SLC17A5: variants seen among roughly 807,000 people sequenced by gnomAD.
SLC17A5 encodes the protein sialin.
Under a neutral mutation model 59.4 loss-of-function variants are expected in SLC17A5, and 47 were observed. The ratio of observed to expected loss-of-function variants is 0.79; its 90% CI spans 0.63 to 1.01. The LOEUF is 1.01. Among genes scored for constraint, SLC17A5 ranks in the 50% least tolerant of loss-of-function variants. The pLI is 0.00. For synonymous variants in SLC17A5, 202 were observed against 210.7 expected (o/e 0.96, Z 0.36); for missense variants, 522 against 595.5 (o/e 0.88, Z 1.28).
chr6:73,636,816 C>G (rs1438624437), intron 4 of SLC17A5, 109 bp from the exon 5 acceptor site: 1 of 820,898 alleles, frequency 1.2e-6, no homozygotes, highest in Non-Finnish European at 2.1e-6. Flanking sequence ...CACAGTGGCT[C>G]ATTCCTGTAA....
At chr6:73,606,430 C>T (rs143295709) in intron 9 of SLC17A5, among the ~76,000 whole-genome samples, 156 of 152,332 alleles carry the variant, frequency 1.0e-3, no homozygotes, top group African/African-American at 3.6e-3. Flanking sequence ...ACTTGCTTAC[C>T]ATCCTCCCAA....
Position 73,594,997 on chromosome 6 carries a change from T to C in SLC17A5, c.*80A>G. ...ACAATTAAAAAAAGACATAGAATGC[T>C]TACACAATACAGAAGGCACTTTGAG... On this transcript the variant is annotated 3_prime_UTR_variant, in exon 11 of 11. Coordinates refer to ENST00000355773, the MANE Select transcript of SLC17A5 (RefSeq NM_012434.5). 1 of 1,478,222 alleles carries C rather than the reference T, an allele frequency of 6.8e-7. No individual in the cohort carries two copies. 91.6% of individuals were successfully genotyped at this position (1,478,222 alleles called of 1,614,324 possible).
At position 73,636,817 on chromosome 6, in the gene SLC17A5, A is replaced by C. The variant is rs1002866143; in HGVS notation, c.614-110T>G. 1.1e-5 allele frequency: 9 copies of C among 807,854 alleles called. No individual in the cohort carries two copies. The African/African-American group carries it at 1.5e-4, about 14-fold the overall frequency. 50.0% of individuals were successfully genotyped at this position (807,854 alleles called of 1,614,324 possible). Reference sequence around the variant, plus strand: ...GGTAACAGGCTGGGCACAGTGGCTCATTCCTGTAATCCCTGCACTTTGGGA... The same window carrying C: ...GGTAACAGGCTGGGCACAGTGGCTCCTTCCTGTAATCCCTGCACTTTGGGA... On this transcript the variant is annotated intron_variant, in intron 4 of 10. Coordinates refer to ENST00000355773, the MANE Select transcript of SLC17A5 (RefSeq NM_012434.5).
In SLC17A5 at chr6:73,595,933, CAT is replaced by C. The variant is rs1215120613; in HGVS notation, c.1351-721_1351-720del. Among the ~76,000 whole-genome samples the C allele has an allele frequency of 8.7e-3, 8 of 918 alleles. No individual in the cohort carries two copies. In the South Asian group the frequency reaches 0.12, roughly 13 times the overall value. The allele number at this position is 918 out of a possible 152,430, so 0.6% of individuals were successfully genotyped here. On this transcript the variant is annotated intron_variant, in intron 10 of 10. Coordinates refer to ENST00000355773, the MANE Select transcript of SLC17A5 (RefSeq NM_012434.5). ...ATATATACGTATATATATACATATA[CAT>C]ATATATATATATACGTATATATATA...
chr6:73,612,592 A>G (rs1402191491), intron 8 of SLC17A5, among the ~76,000 whole-genome samples: 2 of 151,984 alleles, frequency 1.3e-5, no homozygotes, highest in Non-Finnish European at 2.9e-5. Flanking sequence ...AACTATTTTT[A>G]GAGATAGGGT....
chr6:73,630,938 C>G (rs530313338), intron 6 of SLC17A5, among the ~76,000 whole-genome samples: 2 of 149,684 alleles, frequency 1.3e-5, no homozygotes, highest in East Asian at 3.9e-4. Flanking sequence ...CCCGGCTACT[C>G]GGGAGGCTGA....
At chr6:73,608,553 G>C (rs544396297) in intron 9 of SLC17A5, among the ~76,000 whole-genome samples, 63 of 152,242 alleles carry the variant, frequency 4.1e-4, no homozygotes, top group African/African-American at 1.4e-3. Context: ...ATTATTTCTG[G>C]ATACAATTAA....
chr6:73,600,477 A>T, intron 9 of SLC17A5, 36 bp from the exon 10 acceptor site: 9 of 1,361,646 alleles, frequency 6.6e-6, no homozygotes, highest in Middle Eastern at 1.8e-4. Flanking sequence ...TATTATTGTG[A>T]TACACATTTA....
Position 73,615,522 on chromosome 6 carries a change from A to G in SLC17A5, c.979-75T>C, listed in dbSNP as rs754303542. The G allele has an allele frequency of 3.3e-4, 486 of 1,454,784 alleles. 1 individual carries two copies. The highest frequency in any genetic ancestry group is 4.3e-4 in the Non-Finnish European group (451 of 1,043,528). The allele number at this position is 1,454,784 out of a possible 1,614,324, so 90.1% of individuals were successfully genotyped here. A position where few individuals can be genotyped will look rare whatever the true frequency, so the allele number is the denominator to read the frequency against. On this transcript the variant is annotated intron_variant, in intron 7 of 10. Coordinates refer to ENST00000355773, the MANE Select transcript of SLC17A5 (RefSeq NM_012434.5). ...AAAACATACACATTCATCACAGCCA[A>G]TGACCACCACTTGAAAGCAAAGGAA...
At chr6:73,638,907 G>A (rs1437872321) in intron 3 of SLC17A5, among the ~76,000 whole-genome samples, 3 of 152,128 alleles carry the variant, frequency 2.0e-5, no homozygotes, top group Admixed American at 6.6e-5. Flanking sequence ...TGTACTGAGT[G>A]AGGACATAAA....
intron 7 of SLC17A5, among the ~76,000 whole-genome samples, 174 bp from the exon 8 acceptor site, chr6:73,615,621 G>A (rs180693670): frequency 7.9e-5 from 12 of 152,188 alleles, no homozygotes; most frequent in African/African-American, 2.9e-4. Context: ...GGATTATAGG[G>A]TTCAGTCCAA....
chr6:73,624,505 A>C (rs1021921246), intron 6 of SLC17A5, among the ~76,000 whole-genome samples: 5 of 152,226 alleles, frequency 3.3e-5, no homozygotes, highest in African/African-American at 1.2e-4. Flanking sequence ...TATTTCATCT[A>C]TCAATCCTTT....
intron 6 of SLC17A5, among the ~76,000 whole-genome samples, chr6:73,623,898 C>T (rs1206256177): frequency 1.3e-5 from 2 of 150,222 alleles, no homozygotes. Flanking sequence ...AGAGTTTCAC[C>T]GTGTTAGCCA....
chr6:73,637,134 T>A (rs7772556), intron 4 of SLC17A5, among the ~76,000 whole-genome samples: 2,001 of 148,458 alleles, frequency 0.013, 30 homozygotes, highest in Middle Eastern at 0.025. Flanking sequence ...AGAAAAAAGA[T>A]ATAGAGGTAG....
chr6:73,602,088 G>A (rs1050198933), intron 9 of SLC17A5, among the ~76,000 whole-genome samples: 2 of 151,934 alleles, frequency 1.3e-5, no homozygotes, highest in South Asian at 2.1e-4. Flanking sequence ...ATTTTGTTCT[G>A]TACTAAGATA....
At chr6:73,615,080 G>A (rs933212875) in intron 8 of SLC17A5, among the ~76,000 whole-genome samples, 1 of 152,152 alleles carries the variant, frequency 6.6e-6, no homozygotes, top group Non-Finnish European at 1.5e-5. Flanking sequence ...GCTACCGCCA[G>A]CTGGACAGTG....
chr6:73,642,298 C>G (rs939768746), intron 2 of SLC17A5, among the ~76,000 whole-genome samples: 7 of 152,126 alleles, frequency 4.6e-5, no homozygotes, highest in Non-Finnish European at 8.8e-5. Flanking sequence ...CCCTGCCTCC[C>G]CCTCCCAAAA....
chr6:73,616,985 TAAAC>T (rs1173073942), intron 7 of SLC17A5, among the ~76,000 whole-genome samples: 2 of 149,508 alleles, frequency 1.3e-5, no homozygotes, highest in South Asian at 2.2e-4. Flanking sequence ...CTACTTCCCT[TAAAC>T]AAACAAACAA....
At chr6:73,637,119 A>C (rs1292490419) in intron 4 of SLC17A5, among the ~76,000 whole-genome samples, 1 of 152,052 alleles carries the variant, frequency 6.6e-6, no homozygotes. Flanking sequence ...CATAGAAACA[A>C]GATTAGAAAA....
Sources: allele counts gnomAD v4.1 joint callset (sites outside exome capture counted in the v4.1 genomes callset), GRCh38; gene constraint gnomAD v4.1.1; transcripts MANE v1.5; gene names NCBI Gene and HGNC (gene_info 2026-07-23, HGNC 2026-07-21).